The following ADGRB3 variants were observed in gnomAD, a reference collection of about 807,000 sequenced individuals.
ADGRB3 encodes the protein adhesion G protein-coupled receptor B3.
ADGRB3 carries 37 observed loss-of-function variants against 193.4 expected under a neutral mutation model. The ratio of observed to expected loss-of-function variants is 0.19; its 90% CI spans 0.15 to 0.25. ADGRB3 has a LOEUF of 0.25. Ranked by LOEUF, ADGRB3 falls within the 10% of genes least tolerant of loss-of-function variation. The pLI is 1.00. For synonymous variants in ADGRB3, 690 were observed against 644.2 expected, an observed-to-expected ratio of 1.07 and a Z score of -1.08; for missense variants, 1,637 against 1,852.9, an observed-to-expected ratio of 0.88 and a Z score of 2.14.
chr6:68,681,180 G>C (rs1764887632), intron 3 of ADGRB3, among the ~76,000 whole-genome samples: 1 of 152,150 alleles, frequency 6.6e-6, no homozygotes, highest in South Asian at 2.1e-4. Flanking sequence ...TTATGGTGGA[G>C]AGGACACCAA....
At chr6:69,239,691 G>A (rs3799067) in intron 20 of ADGRB3, among the ~76,000 whole-genome samples, 9,741 of 151,924 alleles carry the variant, frequency 0.064, 839 homozygotes, top group African/African-American at 0.19. Flanking sequence ...GGCAATAATT[G>A]AAGAGAGTGT....
At chr6:68,888,542 T>TACACACACACAC (rs5877179) in intron 3 of ADGRB3, among the ~76,000 whole-genome samples, 122 of 146,174 alleles carry the variant, frequency 8.3e-4, no homozygotes, top group African/African-American at 1.9e-3. Context: ...GGGTAATAGA[T>TACACACACACAC]ACACACACAC....
chr6:68,904,728 G>A (rs914780841), intron 3 of ADGRB3, among the ~76,000 whole-genome samples: 2 of 152,104 alleles, frequency 1.3e-5, no homozygotes, highest in Non-Finnish European at 2.9e-5. Flanking sequence ...AGATACTTAG[G>A]TTGTTTCCAT....
intron 17 of ADGRB3, among the ~76,000 whole-genome samples, chr6:69,167,785 C>A (rs1217951508): frequency 6.6e-6 from 1 of 152,060 alleles, no homozygotes; most frequent in Non-Finnish European, 1.5e-5. Context: ...AGCTGGTTAG[C>A]CTGTATTAGA....
At chr6:69,278,869 G>T (rs1405674191) in intron 20 of ADGRB3, among the ~76,000 whole-genome samples, 1 of 151,344 alleles carries the variant, frequency 6.6e-6, no homozygotes, top group African/African-American at 2.4e-5. Context: ...CCAATACCTG[G>T]CATAGAGGAA....
chr6:68,637,315 G>T (rs1054211352), intron 1 of ADGRB3, 76 bp from the exon 2 acceptor site: 2 of 152,576 alleles, frequency 1.3e-5, no homozygotes, highest in African/African-American at 4.8e-5. Context: ...TTTATCCTTT[G>T]ATTCAGAGAA....
intron 3 of ADGRB3, among the ~76,000 whole-genome samples, chr6:68,826,368 G>A (rs75900308): frequency 0.034 from 5,126 of 152,116 alleles, 297 homozygotes; most frequent in African/African-American, 0.12. Context: ...GTGGAAGCTG[G>A]GAACAGTAAA....
intron 13 of ADGRB3, among the ~76,000 whole-genome samples, chr6:69,033,614 T>A (rs1443318041): frequency 1.3e-5 from 2 of 152,164 alleles, no homozygotes; most frequent in African/African-American, 2.4e-5. Context: ...CATATTTTTT[T>A]AATTTGGTCT....
intron 3 of ADGRB3, among the ~76,000 whole-genome samples, chr6:68,712,626 G>GACAA (rs1765424536): frequency 6.6e-6 from 1 of 151,938 alleles, no homozygotes; most frequent in African/African-American, 2.4e-5. Flanking sequence ...GGAGACATAG[G>GACAA]AGAGAGACAA....
chr6:69,272,733 A>C (rs553610614), intron 20 of ADGRB3, among the ~76,000 whole-genome samples: 12 of 152,298 alleles, frequency 7.9e-5, no homozygotes, highest in African/African-American at 2.9e-4. Context: ...CAGACACAAG[A>C]GATGATGACT....
At chr6:69,275,120 T>G (rs117430821) in intron 20 of ADGRB3, among the ~76,000 whole-genome samples, 163 of 152,270 alleles carry the variant, frequency 1.1e-3, no homozygotes, top group Non-Finnish European at 1.6e-3. Context: ...GTGCCTCTAG[T>G]ATATTTTCCA....
Position 69,361,133 on chromosome 6 carries a change from A to T in ADGRB3, c.3860A>T (p.Asp1287Val). ...AGAACTGTGTACTTATGTACGGATGATAATTTGAGAGGGGCTGACATGGAC... is the reference window on the plus strand; with the variant it reads ...AGAACTGTGTACTTATGTACGGATGTTAATTTGAGAGGGGCTGACATGGAC... ...LRRTVYLCTD[D>V]NLRGADMDIV... Residue 1287 changes from aspartate (D) to valine (V), a missense_variant, in exon 29 of 32, where the codon GAT (aspartate) becomes GTT (valine). Asp to Val is a radical substitution (Grantham distance 152). Around this residue, in one of 7 missense-constraint regions of ADGRB3, gnomAD observed 368 missense variants for 367.4 expected, o/e 1.00. Coordinates refer to ENST00000370598, the MANE Select transcript of ADGRB3 (RefSeq NM_001704.3). The T allele has an allele frequency of 2.5e-6, 4 of 1,612,926 alleles. No individual in the cohort carries two copies. Among genetic ancestry groups the T allele is most frequent in the Non-Finnish European group, 3.4e-6 (4 of 1,179,292 alleles).
chr6:69,112,865 C>G (rs1012575084), intron 17 of ADGRB3, among the ~76,000 whole-genome samples: 1 of 152,016 alleles, frequency 6.6e-6, no homozygotes, highest in Non-Finnish European at 1.5e-5. Flanking sequence ...TAAAGCGATT[C>G]TCCTGCCTCT....
chr6:69,328,092 A>T (rs1417934216), intron 22 of ADGRB3, among the ~76,000 whole-genome samples: 1 of 152,158 alleles, frequency 6.6e-6, no homozygotes, highest in Non-Finnish European at 1.5e-5. Flanking sequence ...TCTTTGTTTT[A>T]GTTTCCCATT....
intron 20 of ADGRB3, among the ~76,000 whole-genome samples, chr6:69,275,608 C>T (rs1327396126): frequency 2.6e-5 from 4 of 151,720 alleles, no homozygotes; most frequent in Non-Finnish European, 5.9e-5. Flanking sequence ...GTATAATACA[C>T]ATGCAAAAAA....
intron 7 of ADGRB3, among the ~76,000 whole-genome samples, chr6:68,956,421 G>A (rs1304987437): frequency 1.3e-5 from 2 of 151,862 alleles, no homozygotes; most frequent in South Asian, 2.1e-4. Context: ...GATGAACTAC[G>A]AATACATTTG....
At chr6:69,342,825 T>C (rs181252874) in intron 26 of ADGRB3, among the ~76,000 whole-genome samples, 375 of 152,280 alleles carry the variant, frequency 2.5e-3, no homozygotes, top group Non-Finnish European at 2.1e-3. Flanking sequence ...TTTAAAATAT[T>C]TGCTTCACTA....
intron 3 of ADGRB3, among the ~76,000 whole-genome samples, chr6:68,815,605 G>C (rs1208573771): frequency 2.7e-5 from 1 of 37,110 alleles, no homozygotes; most frequent in Non-Finnish European, 5.0e-5. Context: ...ATCAAAAATT[G>C]TGTGTGTGTG....
At chr6:69,198,076 T>C (rs968760597) in intron 17 of ADGRB3, among the ~76,000 whole-genome samples, 2 of 152,118 alleles carry the variant, frequency 1.3e-5, no homozygotes, top group Non-Finnish European at 2.9e-5. Context: ...TTCTTGTGTT[T>C]TGAACCTCTT....
Sources: gnomAD v4.1 joint callset for allele counts (sites outside exome capture counted in the v4.1 genomes callset) on GRCh38, gnomAD v4.1.1 for gene constraint, gnomAD v4.1.1 regional missense constraint, MANE v1.5 for transcripts, NCBI Gene and HGNC (gene_info 2026-07-23, HGNC 2026-07-21) for gene names.